The following EPM2A variants were observed in gnomAD, a reference collection of about 807,000 sequenced individuals.
The protein encoded by EPM2A is laforin.
EPM2A carries 21 observed loss-of-function variants against 26.5 expected under a neutral mutation model. The ratio of observed to expected loss-of-function variants is 0.79; its 90% CI spans 0.56 to 1.14. EPM2A has a LOEUF of 1.14. EPM2A is among the 50% of genes most tolerant of loss of function. The pLI is 0.00. For missense variants in EPM2A, 458 were observed against 440.8 expected (o/e 1.04, Z -0.35); for synonymous variants, 217 against 177.6 (o/e 1.22, Z -1.76).
intron 2 of EPM2A, among the ~76,000 whole-genome samples, chr6:145,578,749 T>C (rs1781071409): frequency 1.3e-5 from 2 of 152,154 alleles, no homozygotes; most frequent in Non-Finnish European, 2.9e-5. Flanking sequence ...AAGTATGTAA[T>C]TTGGTAACTT....
chr6:145,464,499 T>C (rs929456885), intron 4 of EPM2A, among the ~76,000 whole-genome samples: 1 of 152,120 alleles, frequency 6.6e-6, no homozygotes, highest in South Asian at 2.1e-4. Context: ...CCTACCATGA[T>C]GGGAAAAAAA....
intron 2 of EPM2A, among the ~76,000 whole-genome samples, chr6:145,579,967 T>A (rs1781090468): frequency 6.6e-6 from 1 of 152,184 alleles, no homozygotes; most frequent in African/African-American, 2.4e-5. Context: ...TATAATAGCA[T>A]ACTTTCATTT....
At chr6:145,589,988 G>A (rs1330156662) in intron 2 of EPM2A, among the ~76,000 whole-genome samples, 1 of 151,584 alleles carries the variant, frequency 6.6e-6, no homozygotes, top group Non-Finnish European at 1.5e-5. Context: ...TCAGAGAATC[G>A]AGGTCATAGG....
intron 2 of EPM2A, among the ~76,000 whole-genome samples, chr6:145,657,885 G>A (rs1417435212): frequency 6.6e-6 from 1 of 152,210 alleles, no homozygotes; most frequent in Non-Finnish European, 1.5e-5. Context: ...GCACTCAGGT[G>A]ATGCGTTTCT....
At chr6:145,717,616 A>C (rs1440921797) in intron 1 of EPM2A, among the ~76,000 whole-genome samples, 1 of 152,198 alleles carries the variant, frequency 6.6e-6, no homozygotes. Context: ...AGTTCTGGCC[A>C]CGGCAATTAG....
intron 4 of EPM2A, among the ~76,000 whole-genome samples, chr6:145,438,984 C>A (rs760690007): frequency 6.6e-6 from 1 of 152,008 alleles, no homozygotes; most frequent in Non-Finnish European, 1.5e-5. Context: ...CTCATGTAGG[C>A]CCCTGTATCT....
intron 4 of EPM2A, among the ~76,000 whole-genome samples, chr6:145,466,703 T>C (rs990961974): frequency 5.9e-5 from 9 of 152,178 alleles, no homozygotes; most frequent in Non-Finnish European, 8.8e-5. Context: ...GGTATGTTTA[T>C]TGCGGCATTA....
At chr6:145,669,893 T>C (rs702306) in intron 2 of EPM2A, among the ~76,000 whole-genome samples, 94,613 of 151,954 alleles carry the variant, frequency 0.62, 29,836 homozygotes, top group East Asian at 0.74. Flanking sequence ...TAAATCTTCT[T>C]TCTCTTCTCA....
intron 4 of EPM2A, among the ~76,000 whole-genome samples, chr6:145,439,343 G>A (rs1300184217): frequency 6.6e-6 from 1 of 152,114 alleles, no homozygotes; most frequent in Non-Finnish European, 1.5e-5. Flanking sequence ...GAGATTGCTG[G>A]GTTGAATGGT....
At position 145,627,126 on chromosome 6, in the gene EPM2A, G is replaced by C. The variant is rs554969040; in HGVS notation, c.*290C>G. 28 of 1,321,016 alleles carry C rather than the reference G, an allele frequency of 2.1e-5. No homozygotes were observed. The highest frequency in any genetic ancestry group is 2.3e-5 in the Non-Finnish European group (24 of 1,028,438). The allele number at this position is 1,321,016 out of a possible 1,614,324, so 81.8% of individuals were successfully genotyped here. A position where few individuals can be genotyped will look rare whatever the true frequency, so the allele number is the denominator to read the frequency against. On this transcript the variant is annotated 3_prime_UTR_variant, in exon 4 of 4. Coordinates refer to ENST00000367519, the MANE Select transcript of EPM2A (RefSeq NM_005670.4). The stretch of plus-strand genomic sequence containing the variant: ...TACAGTGCTGTAAAGCAAAGGCCTC[G>C]TCTGCCTGCAGGCAGCAGGAACTGC...
At chr6:145,614,831 T>C (rs1015013618) in intron 2 of EPM2A, among the ~76,000 whole-genome samples, 17 of 152,124 alleles carry the variant, frequency 1.1e-4, no homozygotes, top group African/African-American at 3.9e-4. Context: ...ATAATGAAAT[T>C]TGAAATATTG....
At chr6:145,531,345 C>T (rs1363486204) in intron 2 of EPM2A, among the ~76,000 whole-genome samples, 2 of 152,078 alleles carry the variant, frequency 1.3e-5, no homozygotes, top group African/African-American at 4.8e-5. Flanking sequence ...AGAATGTGCC[C>T]ATTCCATTCT....
chr6:145,690,422 A>C (rs1425417878), intron 1 of EPM2A, among the ~76,000 whole-genome samples: 1 of 149,806 alleles, frequency 6.7e-6, no homozygotes, highest in Non-Finnish European at 1.5e-5. Flanking sequence ...AGGCAGGAGA[A>C]TGGCGTGAAC....
intron 1 of EPM2A, among the ~76,000 whole-genome samples, chr6:145,696,752 A>T (rs1369351135): frequency 6.7e-6 from 1 of 150,150 alleles, no homozygotes; most frequent in Non-Finnish European, 1.5e-5. Context: ...GTAATGAATC[A>T]AACATCTGGC....
chr6:145,550,218 A>C (rs407721), intron 2 of EPM2A, among the ~76,000 whole-genome samples: 68,322 of 151,798 alleles, frequency 0.45, 15,400 homozygotes, highest in South Asian at 0.58. Flanking sequence ...ATGAAATGGT[A>C]ATGAATCCCC....
chr6:145,685,806 T>C (rs1780861408), intron 2 of EPM2A, among the ~76,000 whole-genome samples: 1 of 152,178 alleles, frequency 6.6e-6, no homozygotes, highest in Non-Finnish European at 1.5e-5. Flanking sequence ...GACACAAATA[T>C]TAATTTAGTC....
At chr6:145,683,383 A>AG (rs1780690145) in intron 2 of EPM2A, among the ~76,000 whole-genome samples, 1 of 149,024 alleles carries the variant, frequency 6.7e-6, no homozygotes, top group Admixed American at 6.8e-5. Context: ...TAATATATAA[A>AG]GTATTATATA....
chr6:145,394,016 G>T (rs1265080244), intron 4 of EPM2A, among the ~76,000 whole-genome samples: 1 of 151,678 alleles, frequency 6.6e-6, no homozygotes, highest in South Asian at 2.1e-4. Flanking sequence ...GTAGAGTCAG[G>T]GTTTCATCCT....
intron 4 of EPM2A, among the ~76,000 whole-genome samples, chr6:145,467,276 C>G (rs1779410997): frequency 6.6e-6 from 1 of 151,964 alleles, no homozygotes; most frequent in Non-Finnish European, 1.5e-5. Context: ...CGAGGTAGGG[C>G]AAAACTTAAT....
Sources: gnomAD v4.1 joint callset for allele counts (sites outside exome capture counted in the v4.1 genomes callset) on GRCh38, gnomAD v4.1.1 for gene constraint, MANE v1.5 for transcripts, NCBI Gene and HGNC (gene_info 2026-07-23, HGNC 2026-07-21) for gene names.